Variants in CSMD2 observed in about 807,000 individuals in gnomAD.
CSMD2 encodes CUB and sushi domain-containing protein 2.
CSMD2 carries 130 observed loss-of-function variants against 398.5 expected under a neutral mutation model. The observed-to-expected ratio is 0.33, with a 90% CI of 0.28 to 0.38. The LOEUF is 0.38. CSMD2 is among the 10% of genes least tolerant of loss of function. The pLI, the probability that CSMD2 is intolerant of heterozygous loss-of-function variation, is 1.00. For missense variants in CSMD2, 3,829 were observed against 4,764.9 expected (o/e 0.80, Z 5.78); for synonymous variants, 1,828 against 1,908.5 (o/e 0.96, Z 1.10).
intron 1 of CSMD2, among the ~76,000 whole-genome samples, chr1:34,144,583 T>C (rs1336155759): frequency 6.6e-6 from 1 of 152,230 alleles, no homozygotes; most frequent in Non-Finnish European, 1.5e-5. Context: ...TCAAGAGTGA[T>C]GTATTAACAA....
At chr1:33,768,326 G>T (rs1202497764) in intron 13 of CSMD2, among the ~76,000 whole-genome samples, 2 of 152,164 alleles carry the variant, frequency 1.3e-5, no homozygotes, top group Non-Finnish European at 2.9e-5. Flanking sequence ...GGCTGTCACA[G>T]CTGGTGTGTG....
intron 55 of CSMD2, among the ~76,000 whole-genome samples, chr1:33,556,617 T>C (rs990589851): frequency 1.3e-5 from 2 of 152,106 alleles, no homozygotes; most frequent in Non-Finnish European, 2.9e-5. Context: ...TAAGGACGTG[T>C]AAGGCCAGGG....
At chr1:33,527,135 G>T in intron 65 of CSMD2, 61 bp downstream of exon 65, 1 of 1,446,484 alleles carries the variant, frequency 6.9e-7, no homozygotes, top group South Asian at 1.1e-5. Context: ...CGAGTTTTCT[G>T]GCTAACTGTG....
chr1:33,624,392 A>C lies in CSMD2; in HGVS notation c.5625+127T>G. 1.6e-6 allele frequency: 2 copies of C among 1,221,362 alleles called. No individual in the cohort carries two copies. The highest frequency in any genetic ancestry group is 2.3e-6 in the Non-Finnish European group (2 of 869,034). 75.7% of individuals were successfully genotyped at this position (1,221,362 alleles called of 1,614,324 possible). On this transcript the variant is annotated intron_variant, in intron 35 of 70. Transcript: ENST00000373381. The surrounding 1 kb of genome is among the most constrained non-coding windows in gnomAD (Gnocchi z 4.7). ...AGCCGCAGGGGCAGGTACAGGGCTGATATGTCTCTTCCTGGCTCACCCTGA... is the reference window on the plus strand; with the variant it reads ...AGCCGCAGGGGCAGGTACAGGGCTGCTATGTCTCTTCCTGGCTCACCCTGA...
chr1:33,690,945 A>C (rs1645217036), intron 25 of CSMD2, among the ~76,000 whole-genome samples: 1 of 152,218 alleles, frequency 6.6e-6, no homozygotes, highest in Non-Finnish European at 1.5e-5. Context: ...ATGGAAGTTC[A>C]AAAGAGGCAG....
intron 2 of CSMD2, among the ~76,000 whole-genome samples, chr1:34,036,586 CTG>C (rs1332203370): frequency 6.6e-6 from 1 of 152,176 alleles, no homozygotes; most frequent in Non-Finnish European, 1.5e-5. Context: ...TGGAATCATT[CTG>C]TGTCTTGATT....
chr1:34,089,834 T>C (rs928631013), intron 1 of CSMD2, among the ~76,000 whole-genome samples: 1 of 152,184 alleles, frequency 6.6e-6, no homozygotes, highest in Non-Finnish European at 1.5e-5. Flanking sequence ...CTTCTCATTT[T>C]AAATGTGCTC....
chr1:34,068,107 G>C (rs1434834260), intron 2 of CSMD2, among the ~76,000 whole-genome samples: 2 of 152,178 alleles, frequency 1.3e-5, no homozygotes, highest in African/African-American at 4.8e-5. Flanking sequence ...TGTTTCCCTG[G>C]AATGTACATT....
intron 28 of CSMD2, among the ~76,000 whole-genome samples, chr1:33,651,986 C>T (rs773822158): frequency 3.5e-4 from 53 of 152,032 alleles, no homozygotes; most frequent in Non-Finnish European, 6.0e-4. Context: ...TGGAAGGGGC[C>T]GGGGAAGCAG....
intron 10 of CSMD2, among the ~76,000 whole-genome samples, chr1:33,806,561 A>G (rs1313051449): frequency 6.6e-6 from 1 of 152,244 alleles, no homozygotes; most frequent in East Asian, 1.9e-4. Flanking sequence ...AAGAGGTGAG[A>G]AAAAACAGAA....
At chr1:33,829,577 C>G (rs933792246) in intron 6 of CSMD2, among the ~76,000 whole-genome samples, 2 of 152,170 alleles carry the variant, frequency 1.3e-5, no homozygotes, top group African/African-American at 4.8e-5. Flanking sequence ...CCAGCGTGAG[C>G]GACGCAGAAG....
intron 3 of CSMD2, among the ~76,000 whole-genome samples, chr1:33,974,291 C>T (rs1218006658): frequency 6.6e-6 from 1 of 152,160 alleles, no homozygotes; most frequent in African/African-American, 2.4e-5. Context: ...CATGGGCTCG[C>T]ACAAATCTCA....
At chr1:33,650,276 A>G (rs544210532) in intron 28 of CSMD2, among the ~76,000 whole-genome samples, 1 of 152,350 alleles carries the variant, frequency 6.6e-6, no homozygotes, top group East Asian at 1.9e-4. Flanking sequence ...CAGATATATC[A>G]ACAACAAAAT....
intron 1 of CSMD2, among the ~76,000 whole-genome samples, chr1:34,139,152 G>A (rs1639036596): frequency 6.6e-6 from 1 of 152,218 alleles, no homozygotes; most frequent in African/African-American, 2.4e-5. Context: ...GCAGTATTGA[G>A]AGGCAGGGCC....
intron 2 of CSMD2, among the ~76,000 whole-genome samples, chr1:34,066,350 T>C (rs1325003260): frequency 6.6e-6 from 1 of 152,192 alleles, no homozygotes; most frequent in Non-Finnish European, 1.5e-5. Flanking sequence ...CATTCCCTCC[T>C]GCATCCCCCT....
chr1:33,894,221 C>T (rs1642229950), intron 5 of CSMD2, among the ~76,000 whole-genome samples: 1 of 152,136 alleles, frequency 6.6e-6, no homozygotes, highest in South Asian at 2.1e-4. Context: ...TGCCTAGGCC[C>T]CCAGTGTTAC....
chr1:33,713,889 T>C (rs1646072181), intron 21 of CSMD2, among the ~76,000 whole-genome samples: 1 of 152,182 alleles, frequency 6.6e-6, no homozygotes, highest in African/African-American at 2.4e-5. Flanking sequence ...GACTTAATTT[T>C]TCTCTGTATG....
At chr1:33,695,520 C>T (rs1451533016) in intron 24 of CSMD2, among the ~76,000 whole-genome samples, 2 of 152,140 alleles carry the variant, frequency 1.3e-5, no homozygotes, top group Non-Finnish European at 2.9e-5. Context: ...TCTCCTCCTT[C>T]CTCCCCGACA....
chr1:33,587,032 T>G, intron 45 of CSMD2, 56 bp downstream of exon 45: 1 of 1,404,400 alleles, frequency 7.1e-7, no homozygotes, highest in Non-Finnish European at 9.8e-7. Flanking sequence ...CCCCGCCACC[T>G]TCCCTTCCTT....
Sources: allele counts gnomAD v4.1 joint callset (sites outside exome capture counted in the v4.1 genomes callset), GRCh38; gene constraint gnomAD v4.1.1; non-coding constraint Gnocchi (gnomAD v3.1); transcripts MANE v1.5; gene names NCBI Gene and HGNC (gene_info 2026-07-23, HGNC 2026-07-21).